PACRG: variants seen among roughly 807,000 people sequenced by gnomAD.
PACRG encodes parkin coregulated.
Under a neutral mutation model 29.7 loss-of-function variants are expected in PACRG, and 29 were observed. That is an observed-to-expected ratio of 0.98 (90% confidence interval 0.73 to 1.33). The LOEUF (loss-of-function observed/expected upper bound fraction) is 1.33. Ranked by LOEUF, PACRG falls within the 40% of genes most tolerant of loss-of-function variation. The pLI is 0.00. For synonymous variants in PACRG, 116 were observed against 118.7 expected (o/e 0.98, Z 0.15); for missense variants, 279 against 316.2 (o/e 0.88, Z 0.89).
At chr6:162,944,334 C>G (rs1355387527) in intron 2 of PACRG, among the ~76,000 whole-genome samples, 2 of 152,156 alleles carry the variant, frequency 1.3e-5, no homozygotes, top group Non-Finnish European at 2.9e-5. Context: ...CCTTCCTTAG[C>G]AAGAAAATTC....
intron 1 of PACRG, among the ~76,000 whole-genome samples, chr6:162,728,991 A>G (rs1486848674): frequency 1.3e-5 from 2 of 152,204 alleles, no homozygotes; most frequent in Non-Finnish European, 2.9e-5. Flanking sequence ...TGCTTTAAAC[A>G]ATACAAGCTT....
At chr6:162,908,500 A>C (rs1032259338) in intron 2 of PACRG, among the ~76,000 whole-genome samples, 36 of 152,296 alleles carry the variant, frequency 2.4e-4, no homozygotes, top group African/African-American at 7.2e-4. Flanking sequence ...ATCACTCAGT[A>C]GGCTCTCCAC....
At chr6:163,112,195 G>A (rs1815752266) in intron 4 of PACRG, 1 of 228,220 alleles carries the variant, frequency 4.4e-6, no homozygotes, top group East Asian at 1.8e-4. Flanking sequence ...TTGAAGTCTG[G>A]CATCTATTCT....
intron 2 of PACRG, among the ~76,000 whole-genome samples, chr6:162,816,594 C>T (rs1787370352): frequency 6.6e-6 from 1 of 152,214 alleles, no homozygotes; most frequent in Admixed American, 6.5e-5. Flanking sequence ...CCTCGTGATC[C>T]GCCTGTCTCA....
At chr6:163,159,868 GC>G (rs1274721275) in intron 4 of PACRG, among the ~76,000 whole-genome samples, 1 of 152,016 alleles carries the variant, frequency 6.6e-6, no homozygotes, top group African/African-American at 2.4e-5. Context: ...CCCTTCGGTG[GC>G]CCCGATCCTC....
intron 3 of PACRG, among the ~76,000 whole-genome samples, chr6:163,068,308 A>G (rs515311): frequency 0.49 from 74,804 of 151,998 alleles, 21,078 homozygotes; most frequent in East Asian, 0.94. Context: ...AACCCTTTTC[A>G]TTCAGAACAG....
chr6:163,269,956 AAAGAAAG>A (rs1177520127), intron 4 of PACRG, among the ~76,000 whole-genome samples: 8 of 68,888 alleles, frequency 1.2e-4, no homozygotes, highest in African/African-American at 4.7e-4. Context: ...AGAAAGAAAG[AAAGAAAG>A]AAAGAAAGAA....
At chr6:162,824,148 A>G (rs368849020) in intron 2 of PACRG, among the ~76,000 whole-genome samples, 2 of 152,084 alleles carry the variant, frequency 1.3e-5, no homozygotes, top group South Asian at 2.1e-4. Context: ...CTGTCCCTAC[A>G]GAGATTTGTT....
intron 4 of PACRG, among the ~76,000 whole-genome samples, chr6:163,185,932 C>G (rs1418213124): frequency 6.6e-6 from 1 of 152,148 alleles, no homozygotes; most frequent in Non-Finnish European, 1.5e-5. Context: ...CCCATCTACT[C>G]TAAGCCCCAG....
At chr6:162,903,563 T>A (rs1416952616) in intron 2 of PACRG, among the ~76,000 whole-genome samples, 1 of 152,032 alleles carries the variant, frequency 6.6e-6, no homozygotes, top group Admixed American at 6.5e-5. Context: ...TATAAAACCA[T>A]CAGATCTCAT....
intron 2 of PACRG, among the ~76,000 whole-genome samples, chr6:162,990,209 G>T (rs1335940709): frequency 1.3e-5 from 2 of 151,156 alleles, no homozygotes; most frequent in East Asian, 2.0e-4. Flanking sequence ...ACGTGTGCAT[G>T]TGTCTTTATA....
At chr6:163,133,923 G>A (rs1051680763) in intron 4 of PACRG, among the ~76,000 whole-genome samples, 5 of 152,108 alleles carry the variant, frequency 3.3e-5, no homozygotes, top group African/African-American at 4.8e-5. Context: ...TAACTCATAC[G>A]TGCAATCACT....
At chr6:162,929,544 TG>T (rs1797694669) in intron 2 of PACRG, among the ~76,000 whole-genome samples, 2 of 152,082 alleles carry the variant, frequency 1.3e-5, no homozygotes, top group African/African-American at 4.8e-5. Flanking sequence ...TTCACTTGGT[TG>T]ATTGTTTCCT....
chr6:163,296,961 T>C (rs1431349536), intron 4 of PACRG, among the ~76,000 whole-genome samples: 6 of 152,358 alleles, frequency 3.9e-5, no homozygotes, highest in South Asian at 2.1e-4. Context: ...TAAGATCACA[T>C]GTACTGAACT....
intron 1 of PACRG, among the ~76,000 whole-genome samples, chr6:162,769,088 G>A (rs1783015045): frequency 6.6e-6 from 1 of 152,128 alleles, no homozygotes; most frequent in African/African-American, 2.4e-5. Flanking sequence ...CAGCTTCCTG[G>A]AAGAGGCCTT....
At chr6:162,991,854 C>T (rs1803456400) in intron 2 of PACRG, among the ~76,000 whole-genome samples, 1 of 124,680 alleles carries the variant, frequency 8.0e-6, no homozygotes, top group East Asian at 2.2e-4. Context: ...TTTGCCCATT[C>T]AGTATGATAT....
intron 4 of PACRG, among the ~76,000 whole-genome samples, chr6:163,163,328 G>A (rs1254371318): frequency 2.0e-5 from 3 of 152,156 alleles, no homozygotes; most frequent in Admixed American, 1.3e-4. Context: ...CTGGAGTGCA[G>A]TGGCATGATC....
chr6:162,751,617 A>AT (rs1258959186), intron 1 of PACRG, among the ~76,000 whole-genome samples: 3 of 152,178 alleles, frequency 2.0e-5, no homozygotes, highest in Non-Finnish European at 4.4e-5. Flanking sequence ...GATGAGGGAT[A>AT]TAGGCTAATT....
chr6:163,070,972 G>A lies in PACRG; in HGVS notation c.463+8651G>A, dbSNP rs1366716769. On this transcript the variant is annotated intron_variant, in intron 3 of 4. Transcript: ENST00000366888. ...AAGAAACAAAGATATAATGATAAAG[G>A]GGTCAATTCAGCAAGAGGATATAAC... 5.3e-5 allele frequency among the ~76,000 whole-genome samples: 8 copies of A among 152,014 alleles called. No homozygotes were observed. The East Asian group carries it at 1.4e-3, about 26-fold the overall frequency.
Sources: gnomAD v4.1 joint callset for allele counts (sites outside exome capture counted in the v4.1 genomes callset) on GRCh38, gnomAD v4.1.1 for gene constraint, MANE v1.5 for transcripts, NCBI Gene and HGNC (gene_info 2026-07-23, HGNC 2026-07-21) for gene names.